Variants in SLC22A8 observed in about 807,000 individuals in gnomAD.
SLC22A8 encodes the protein solute carrier family 22 member 8.
SLC22A8 carries 40 observed loss-of-function variants against 48.4 expected under a neutral mutation model. The ratio of observed to expected loss-of-function variants is 0.83; its 90% CI spans 0.64 to 1.08. SLC22A8 has a LOEUF of 1.08. Among genes scored for constraint, SLC22A8 ranks in the 50% least tolerant of loss-of-function variants. The probability of loss-of-function intolerance (pLI) is 0.00; values close to 1 mark genes in which losing one functional copy is unlikely to be tolerated. For missense variants in SLC22A8, 606 were observed against 699.0 expected (o/e 0.87, Z 1.50); for synonymous variants, 268 against 286.3 (o/e 0.94, Z 0.65).
chr11:62,995,132 G>T, intron 7 of SLC22A8: 1 of 329,128 alleles, frequency 3.0e-6, no homozygotes, highest in South Asian at 3.3e-5. Context: ...GTATGCCTGG[G>T]TCAGATGTTT....
chr11:63,003,247 C>T (rs1355931423), intron 2 of SLC22A8, among the ~76,000 whole-genome samples: 1 of 152,188 alleles, frequency 6.6e-6, no homozygotes, highest in Non-Finnish European at 1.5e-5. Flanking sequence ...AGAAATGCCT[C>T]ACAAGAATGT....
chr11:62,993,132 A>G lies in SLC22A8; in HGVS notation c.*105T>C. 1.3e-6 allele frequency: 1 copy of G among 786,918 alleles called. No individual in the cohort carries two copies. The highest frequency in any genetic ancestry group is 2.0e-6 in the Non-Finnish European group (1 of 490,694). 48.7% of individuals were successfully genotyped at this position (786,918 alleles called of 1,614,324 possible). A position where few individuals can be genotyped will look rare whatever the true frequency, so the allele number is the denominator to read the frequency against. Reference sequence around the variant, plus strand: ...GAGACACCTTCACCAAGCTCTCAGAAGGCTTCATCCTAGGAGGATGGACCT... The same window carrying G: ...GAGACACCTTCACCAAGCTCTCAGAGGGCTTCATCCTAGGAGGATGGACCT... On this transcript the variant is annotated 3_prime_UTR_variant, in exon 11 of 11. Transcript: ENST00000336232.
chr11:63,010,748 T>C (rs917880664), intron 2 of SLC22A8, among the ~76,000 whole-genome samples: 3 of 152,144 alleles, frequency 2.0e-5, no homozygotes, highest in African/African-American at 7.2e-5. Context: ...GGCGTCCTGC[T>C]GGGATGGCGG....
chr11:62,993,748 TG>T, intron 9 of SLC22A8, 21 bp downstream of exon 9: 1 of 1,598,156 alleles, frequency 6.3e-7, no homozygotes, highest in Non-Finnish European at 8.6e-7. Flanking sequence ...TGGCTGGGCC[TG>T]GCCCCAGGTC....
At chr11:63,013,190 A>G (rs569792438) in intron 2 of SLC22A8, among the ~76,000 whole-genome samples, 4 of 152,202 alleles carry the variant, frequency 2.6e-5, no homozygotes, top group South Asian at 4.1e-4. Context: ...AGCACTTTAT[A>G]TAAAAATATT....
intron 2 of SLC22A8, among the ~76,000 whole-genome samples, chr11:63,003,667 T>A (rs2086523582): frequency 6.6e-6 from 1 of 152,234 alleles, no homozygotes; most frequent in South Asian, 2.1e-4. Context: ...GATGACCTTG[T>A]ACTGAGTGGG....
At chr11:62,993,945 C>T in intron 8 of SLC22A8, 67 bp from the exon 9 acceptor site, 1 of 949,502 alleles carries the variant, frequency 1.1e-6, no homozygotes, top group South Asian at 1.3e-5. Context: ...CACTCCTTAG[C>T]TGATCTTGTC....
Position 62,993,000 on chromosome 11 carries a change from G to GC in SLC22A8, c.*236dup. On this transcript the variant is annotated 3_prime_UTR_variant, in exon 11 of 11. Transcript: ENST00000336232. ...GGGGGAAGGTGGCCAGTGGGGAAGG[G>GC]CTAGACAGAAGAATGGCAGGGCCTG... 3.5e-6 allele frequency: 2 copies of GC among 569,742 alleles called. No individual in the cohort carries two copies. Among genetic ancestry groups the GC allele is most frequent in the East Asian group, 5.7e-5 (2 of 35,336 alleles). 35.3% of individuals were successfully genotyped at this position (569,742 alleles called of 1,614,324 possible). A position where few individuals can be genotyped will look rare whatever the true frequency, so the allele number is the denominator to read the frequency against.
At position 62,999,001 on chromosome 11, in the gene SLC22A8, G is replaced by A. The variant is rs367874971; in HGVS notation, c.681C>T (p.Gly227=). The change falls in exon 5 of 11, where the codon GGC becomes GGT. Residue 227 remains glycine (G), a synonymous_variant. Transcript: ENST00000336232. ...CYTFGQFILP[G]LAYAIPQWRW... is the part of the protein sequence containing the mutation. ...GCCACTGGGGGATGGCGTAGGCCAG[G>A]CCGGGCAGAATGAACTGGCCAAAGG... is the stretch of plus-strand genomic sequence containing the variant. 2.5e-6 allele frequency: 4 copies of A among 1,614,194 alleles called. No individual in the cohort carries two copies. The highest frequency in any genetic ancestry group is 3.4e-6 in the Non-Finnish European group (4 of 1,179,990).
chr11:63,010,418 G>A (rs191049876), intron 2 of SLC22A8, among the ~76,000 whole-genome samples: 19 of 152,272 alleles, frequency 1.2e-4, no homozygotes, highest in African/African-American at 2.4e-4. Flanking sequence ...TCGGTTTCCC[G>A]CCTCTGTGTC....
At chr11:62,995,095 C>A (rs1212940250) in intron 7 of SLC22A8, 1 of 388,860 alleles carries the variant, frequency 2.6e-6, no homozygotes, top group Non-Finnish European at 4.9e-6. Flanking sequence ...AGTTTAACAT[C>A]CAGACTGGCG....
intron 2 of SLC22A8, among the ~76,000 whole-genome samples, chr11:63,008,769 C>G (rs1169346117): frequency 6.6e-6 from 1 of 152,194 alleles, no homozygotes; most frequent in African/African-American, 2.4e-5. Flanking sequence ...GTAGTCAGGA[C>G]CTCCCAACAC....
At chr11:63,003,975 C>T (rs1156254668) in intron 2 of SLC22A8, among the ~76,000 whole-genome samples, 3 of 152,208 alleles carry the variant, frequency 2.0e-5, no homozygotes, top group South Asian at 4.1e-4. Flanking sequence ...AATAACCTAG[C>T]CTATCCTGAT....
chr11:62,995,739 C>T lies in SLC22A8; in HGVS notation c.966G>A (p.Met322Ile), dbSNP rs902316665. The T allele has an allele frequency of 6.2e-7, 1 of 1,614,094 alleles. No individual in the cohort carries two copies. The highest frequency in any genetic ancestry group is 2.2e-5 in the East Asian group (1 of 44,874). ...AAAGACAGAAGGTCATGCGGCGCAG[C>T]ATGGGTATCCGGAACAGGTCACTTG... ...YTASDLFRIPMLRRMTFCLSL... is the reference protein window; with the variant it reads ...YTASDLFRIPILRRMTFCLSL... The change falls in exon 7 of 11, where the codon ATG becomes ATA. Residue 322 changes from methionine to isoleucine, a missense_variant. Physicochemically the swap from Met to Ile is conservative, Grantham distance 10. Transcript: ENST00000336232.
Position 62,999,672 on chromosome 11 carries a change from C to A in SLC22A8, c.592+16G>T. 1 of 1,515,764 alleles carries A rather than the reference C, an allele frequency of 6.6e-7. No homozygotes were observed. The highest frequency in any genetic ancestry group is 8.9e-7 in the Non-Finnish European group (1 of 1,126,752). 93.9% of individuals were successfully genotyped at this position (1,515,764 alleles called of 1,614,324 possible). The stretch of plus-strand genomic sequence containing the variant: ...GTGCTCCCCAAAGCCCAGCTCCATG[C>A]CCCACTGCAGCTCACTCAAGATGAC... On this transcript the variant is annotated intron_variant, in intron 4 of 10. Transcript: ENST00000336232.
At chr11:62,994,435 C>CAG in intron 8 of SLC22A8, 107 bp downstream of exon 8, 3 of 797,288 alleles carry the variant, frequency 3.8e-6, no homozygotes, top group Non-Finnish European at 6.2e-6. Context: ...GTGCAGGGAC[C>CAG]TGCTCAAGGT....
rs528457328 is a variant in SLC22A8, at chr11:63,007,616, T to C, written c.334-6793A>G. On this transcript the variant is annotated intron_variant, in intron 2 of 10. Transcript: ENST00000336232. ...TGCTGGGATTACAGGCATAAGCCAC[T>C]GCGCCTGGCCTAGTTCAGTGTTCTT... is the stretch of plus-strand genomic sequence containing the variant. Among the ~76,000 whole-genome samples, 3 of 152,330 alleles carry C rather than the reference T, an allele frequency of 2.0e-5. No individual in the cohort carries two copies. The East Asian group carries it at 5.8e-4, about 29-fold the overall frequency.
chr11:63,012,361 C>T (rs2086629197), intron 2 of SLC22A8, among the ~76,000 whole-genome samples: 2 of 152,060 alleles, frequency 1.3e-5, no homozygotes, highest in African/African-American at 4.8e-5. Flanking sequence ...CTGGGGTTCA[C>T]TGCTCACTAA....
At position 62,996,106 on chromosome 11, in the gene SLC22A8, A is replaced by G. The variant is rs910438274; in HGVS notation, c.808T>C (p.Ser270Pro). 2.5e-6 allele frequency: 4 copies of G among 1,613,652 alleles called. No individual in the cohort carries two copies. The highest frequency in any genetic ancestry group is 3.4e-6 in the Non-Finnish European group (4 of 1,179,784). The stretch of plus-strand genomic sequence containing the variant: ...CGCCGGAGTATCTTCAGGGCCTTCG[A>G]GGACTTTCCAGACAAGACCAACCAG... ...IRWLVLSGKSSKALKILRRVA... is the reference protein window; with the variant it reads ...IRWLVLSGKSPKALKILRRVA... Residue 270 changes from serine to proline, a missense_variant, in exon 6 of 11, where the codon TCG becomes CCG. Ser to Pro is a moderately conservative substitution (Grantham distance 74). Coordinates refer to ENST00000336232, the MANE Select transcript of SLC22A8 (RefSeq NM_004254.4).
Sources: gnomAD v4.1 joint callset for allele counts (sites outside exome capture counted in the v4.1 genomes callset) on GRCh38, gnomAD v4.1.1 for gene constraint, MANE v1.5 for transcripts, NCBI Gene and HGNC (gene_info 2026-07-23, HGNC 2026-07-21) for gene names.